Variants in SSH1 observed in about 807,000 individuals in gnomAD.
SSH1 encodes the protein slingshot protein phosphatase 1, also known as protein phosphatase Slingshot homolog 1.
A neutral mutation model predicts 79.7 loss-of-function variants in SSH1; 43 were observed. That is an observed-to-expected ratio of 0.54 (90% CI 0.42 to 0.70). The LOEUF is 0.70. SSH1 is among the 30% of genes least tolerant of loss of function. The pLI, the probability that SSH1 is intolerant of heterozygous loss-of-function variation, is 0.00. For missense variants in SSH1, 1,206 were observed against 1,358.8 expected, an observed-to-expected ratio of 0.89 and a Z score of 1.77; for synonymous variants, 599 against 538.3, an observed-to-expected ratio of 1.11 and a Z score of -1.56.
intron 2 of SSH1, among the ~76,000 whole-genome samples, chr12:108,827,890 G>A (rs1194341412): frequency 2.0e-5 from 3 of 152,190 alleles, no homozygotes; most frequent in Non-Finnish European, 4.4e-5. Flanking sequence ...CATGCTAACA[G>A]CTATCTGAGG....
Position 108,779,079 on chromosome 12 carries a change from C to T in SSH1, c.*8909G>A, listed in dbSNP as rs1228884286. On this transcript the variant is annotated 3_prime_UTR_variant, in exon 15 of 15. Transcript: ENST00000326495. ...TCGGCCTCTCAAGGTGTTGGGATAA[C>T]AGGCGTCAAGCCACCGTGCCCAAAT... is the stretch of plus-strand genomic sequence containing the variant. 2 of 146,526 alleles carry T rather than the reference C, an allele frequency of 1.4e-5. No homozygotes were observed. Among genetic ancestry groups the T allele is most frequent in the African/African-American group, 2.5e-5 (1 of 39,716 alleles). The allele number at this position is 146,526 out of a possible 1,614,324, so 9.1% of individuals were successfully genotyped here. A position where few individuals can be genotyped will look rare whatever the true frequency, so the allele number is the denominator to read the frequency against.
chr12:108,787,864 A>G lies in SSH1; in HGVS notation c.*124T>C, dbSNP rs763583234. The G allele has an allele frequency of 6.3e-6, 8 of 1,260,894 alleles. No individual in the cohort carries two copies. Among genetic ancestry groups the G allele is most frequent in the Non-Finnish European group, 9.0e-6 (8 of 892,842 alleles). The allele number at this position is 1,260,894 out of a possible 1,614,324, so 78.1% of individuals were successfully genotyped here. A position where few individuals can be genotyped will look rare whatever the true frequency, so the allele number is the denominator to read the frequency against. ...CCTCTCTATGGCAAGAGTAGGGGAA[A>G]AGTTAGGATGACTTCACTCGTTTAA... On this transcript the variant is annotated 3_prime_UTR_variant, in exon 15 of 15. Coordinates refer to ENST00000326495, the MANE Select transcript of SSH1 (RefSeq NM_018984.4).
chr12:108,817,538 A>G (rs2037947058), intron 4 of SSH1, among the ~76,000 whole-genome samples: 2 of 151,512 alleles, frequency 1.3e-5, no homozygotes, highest in African/African-American at 4.8e-5. Context: ...TCATGCCACC[A>G]CATGCCAGCC....
rs546856446 is a variant in SSH1 at position 108,806,173 on chromosome 12, C to T, written c.825+128G>A. On this transcript the variant is annotated intron_variant, in intron 9 of 14. Coordinates refer to ENST00000326495, the MANE Select transcript of SSH1 (RefSeq NM_018984.4). ...GTAGAACGAGGCAGAAAAAAGCCTC[C>T]GGGGGCTGATACCAGAGGACAGGTA... 3.3e-6 allele frequency: 3 copies of T among 902,724 alleles called. No homozygotes were observed. In the South Asian group the frequency reaches 3.9e-5, roughly 12 times the overall value. 55.9% of individuals were successfully genotyped at this position (902,724 alleles called of 1,614,324 possible).
Position 108,788,849 on chromosome 12 carries a change from A to C in SSH1, c.2289T>G (p.Asp763Glu). 1 of 1,614,184 alleles carries C rather than the reference A, an allele frequency of 6.2e-7. No homozygotes were observed. The highest frequency in any genetic ancestry group is 8.5e-7 in the Non-Finnish European group (1 of 1,180,030). Reference sequence around the variant, plus strand: ...CCACTTCTGTGCTGGGAGGGTTCTTATCACAGTGAGAATTCTTCAAAAGGA... The same window carrying C: ...CCACTTCTGTGCTGGGAGGGTTCTTCTCACAGTGAGAATTCTTCAAAAGGA... ...KSLLLKNSHC[D>E]KNPPSTEVVI... Residue 763 changes from aspartate (D) to glutamate (E), a missense_variant, in exon 15 of 15, where the codon GAT becomes GAG. Around this residue, in one of 5 missense-constraint regions of SSH1, gnomAD observed 709 missense variants for 730.6 expected, o/e 0.97. Coordinates refer to ENST00000326495, the MANE Select transcript of SSH1 (RefSeq NM_018984.4).
In SSH1 at chr12:108,781,457, G is replaced by C. The variant is rs2036145852; in HGVS notation, c.*6531C>G. 2.0e-5 allele frequency: 3 copies of C among 152,150 alleles called. No individual in the cohort carries two copies. The highest frequency in any genetic ancestry group is 2.0e-4 in the Admixed American group (3 of 15,264). 9.4% of individuals were successfully genotyped at this position (152,150 alleles called of 1,614,324 possible). ...GTGCTAATCAGCATGTGAGCAATCT[G>C]GTCTGCTTGATGATTATAATTCTTT... is the stretch of plus-strand genomic sequence containing the variant. On this transcript the variant is annotated 3_prime_UTR_variant, in exon 15 of 15. Coordinates refer to ENST00000326495, the MANE Select transcript of SSH1 (RefSeq NM_018984.4).
rs2036149929 is a variant in SSH1, at chr12:108,781,898, G to A, written c.*6090C>T. ...GGAGGCCAAGGTGGGAGGATCACTT[G>A]AAGACAGGAATTAAAGACCAGCCTG... On this transcript the variant is annotated 3_prime_UTR_variant, in exon 15 of 15. Coordinates refer to ENST00000326495, the MANE Select transcript of SSH1 (RefSeq NM_018984.4). 1 of 152,222 alleles carries A rather than the reference G, an allele frequency of 6.6e-6. No individual in the cohort carries two copies. The highest frequency in any genetic ancestry group is 1.5e-5 in the Non-Finnish European group (1 of 68,086). 9.4% of individuals were successfully genotyped at this position (152,222 alleles called of 1,614,324 possible).
intron 3 of SSH1, among the ~76,000 whole-genome samples, chr12:108,819,552 G>C (rs2038037561): frequency 6.6e-6 from 1 of 152,176 alleles, no homozygotes; most frequent in Non-Finnish European, 1.5e-5. Context: ...ATATCAGCCT[G>C]GTGTGGTGGC....
chr12:108,811,831 T>C (rs1241850083), intron 5 of SSH1, among the ~76,000 whole-genome samples: 1 of 152,192 alleles, frequency 6.6e-6, no homozygotes, highest in Non-Finnish European at 1.5e-5. Flanking sequence ...ACCGAATGAC[T>C]GCAGAGACTG....
At position 108,781,688 on chromosome 12, in the gene SSH1, T is replaced by C. The variant is rs965826354; in HGVS notation, c.*6300A>G. ...TTTCCCAGTCTCCCTGGCTGTTGCATTGGGACCCTGTGACTGGGCCCTGCC... is the reference window on the plus strand; with the variant it reads ...TTTCCCAGTCTCCCTGGCTGTTGCACTGGGACCCTGTGACTGGGCCCTGCC... On this transcript the variant is annotated 3_prime_UTR_variant, in exon 15 of 15. Transcript: ENST00000326495. 1 of 152,200 alleles carries C rather than the reference T, an allele frequency of 6.6e-6. No homozygotes were observed. Among genetic ancestry groups the C allele is most frequent in the Non-Finnish European group, 1.5e-5 (1 of 68,058 alleles). The allele number at this position is 152,200 out of a possible 1,614,324, so 9.4% of individuals were successfully genotyped here. A position where few individuals can be genotyped will look rare whatever the true frequency, so the allele number is the denominator to read the frequency against.
intron 7 of SSH1, among the ~76,000 whole-genome samples, chr12:108,808,556 C>T (rs2137085397): frequency 6.6e-6 from 1 of 152,266 alleles, no homozygotes; most frequent in East Asian, 1.9e-4. Context: ...TCATATGACC[C>T]ACATTGAACC....
rs184024070 is a variant in SSH1 at position 108,797,617 on chromosome 12, A to G, written c.1349+1383T>C. Among the ~76,000 whole-genome samples, 321 of 152,358 alleles carry G rather than the reference A, an allele frequency of 2.1e-3. 2 individuals carry two copies. Among genetic ancestry groups the G allele is most frequent in the African/African-American group, 7.5e-3 (311 of 41,592 alleles). ...GAGAAGCAGCAGTTGGACGTCAGGA[A>G]GAAGTGCCTGGATGTCGGAGAGAGT... On this transcript the variant is annotated intron_variant, in intron 13 of 14. Transcript: ENST00000326495.
In SSH1 at chr12:108,806,347, C is replaced by T. The variant is rs760151045; in HGVS notation, c.779G>A (p.Arg260Gln). 1.2e-6 allele frequency: 2 copies of T among 1,614,150 alleles called. No individual in the cohort carries two copies. The highest frequency in any genetic ancestry group is 8.5e-7 in the Non-Finnish European group (1 of 1,180,024). ...TAGATCCTGGCTCATCATGATGCTT[C>T]GGAGCTTGGCTTTGATGAGGCGCTC... is the stretch of plus-strand genomic sequence containing the variant. Reference protein sequence around the residue: ...RTERLIKAKLRSIMMSQDLEN... With the variant: ...RTERLIKAKLQSIMMSQDLEN... The change falls in exon 9 of 15, where the codon CGA becomes CAA. Residue 260 changes from arginine to glutamine, a missense_variant. Arg to Gln is a conservative substitution (Grantham distance 43). This residue lies in a region of SSH1 where 116 missense variants were observed against 109.0 expected (regional missense o/e 1.06). Transcript: ENST00000326495.
At chr12:108,796,794 G>A (rs913504998) in intron 13 of SSH1, among the ~76,000 whole-genome samples, 10 of 151,786 alleles carry the variant, frequency 6.6e-5, no homozygotes, top group African/African-American at 2.2e-4. Context: ...CCAGGCTGGA[G>A]TGCAATGGTG....
intron 2 of SSH1, among the ~76,000 whole-genome samples, chr12:108,846,174 C>T (rs963860844): frequency 6.6e-6 from 1 of 152,176 alleles, no homozygotes; most frequent in Non-Finnish European, 1.5e-5. Context: ...CCAAATAAAA[C>T]AGAAGAGACA....
chr12:108,818,445 GA>G, intron 3 of SSH1, 132 bp from the exon 4 acceptor site: 1 of 737,484 alleles, frequency 1.4e-6, no homozygotes, highest in Admixed American at 2.6e-5. Context: ...CACCACAGGA[GA>G]ATCACCACAA....
intron 2 of SSH1, among the ~76,000 whole-genome samples, chr12:108,832,313 C>CAAAAG (rs1227368073): frequency 3.3e-5 from 5 of 151,170 alleles, no homozygotes; most frequent in South Asian, 4.2e-4. Flanking sequence ...CCCCGCCTCC[C>CAAAAG]AAAAGAAAAG....
chr12:108,810,493 C>G (rs1273622876), intron 6 of SSH1, among the ~76,000 whole-genome samples: 2 of 151,646 alleles, frequency 1.3e-5, no homozygotes, highest in Non-Finnish European at 2.9e-5. Flanking sequence ...CTGCACTCCA[C>G]CCAGGGTGAC....
chr12:108,835,957 GATT>G lies in SSH1; in HGVS notation c.111-12599_111-12597del, dbSNP rs1315714741. ...CAATTATAACTATATTAATATAATC[GATT>G]ATAACTATATTAATATAATCGATTA... On this transcript the variant is annotated intron_variant, in intron 2 of 14. Transcript: ENST00000326495. Among the ~76,000 whole-genome samples, 16 of 83,542 alleles carry G rather than the reference GATT, an allele frequency of 1.9e-4. 1 individual carries two copies. Among genetic ancestry groups the G allele is most frequent in the African/African-American group, 8.3e-4 (16 of 19,308 alleles). 54.8% of individuals were successfully genotyped at this position (83,542 alleles called of 152,430 possible). A position where few individuals can be genotyped will look rare whatever the true frequency, so the allele number is the denominator to read the frequency against.
Sources: gnomAD v4.1 joint callset for allele counts (sites outside exome capture counted in the v4.1 genomes callset) on GRCh38, gnomAD v4.1.1 for gene constraint, gnomAD v4.1.1 regional missense constraint, MANE v1.5 for transcripts, NCBI Gene and HGNC (gene_info 2026-07-23, HGNC 2026-07-21) for gene names.